PROS1: variants seen among roughly 807,000 people sequenced by gnomAD.
PROS1 encodes protein S.
PROS1 carries 29 observed loss-of-function variants against 75.9 expected under a neutral mutation model. The ratio of observed to expected loss-of-function variants is 0.38; its 90% CI spans 0.28 to 0.52. The LOEUF (loss-of-function observed/expected upper bound fraction) is 0.52. Ranked by LOEUF, PROS1 falls within the 20% of genes least tolerant of loss-of-function variation. The probability of loss-of-function intolerance (pLI) is 0.83; values close to 1 mark genes in which losing one functional copy is unlikely to be tolerated. For synonymous variants in PROS1, 245 were observed against 280.6 expected (o/e 0.87, Z 1.27); for missense variants, 680 against 810.3 (o/e 0.84, Z 1.95).
chr3:93,949,861 G>A (rs2107240715), intron 1 of PROS1, among the ~76,000 whole-genome samples: 1 of 152,332 alleles, frequency 6.6e-6, no homozygotes, highest in East Asian at 1.9e-4. Flanking sequence ...AGCCCACAGA[G>A]TGTGAGCCAA....
intron 11 of PROS1, among the ~76,000 whole-genome samples, chr3:93,885,714 A>G (rs1445271886): frequency 6.6e-6 from 1 of 152,192 alleles, no homozygotes; most frequent in African/African-American, 2.4e-5. Flanking sequence ...AAAGTGTATT[A>G]ATTTCTCAGT....
intron 10 of PROS1, among the ~76,000 whole-genome samples, chr3:93,891,793 C>T (rs1258311424): frequency 2.6e-5 from 4 of 152,116 alleles, no homozygotes; most frequent in Non-Finnish European, 4.4e-5. Flanking sequence ...GGTACAATGG[C>T]TCATGCCTGT....
chr3:93,972,648 G>A (rs1434737633), intron 1 of PROS1, among the ~76,000 whole-genome samples: 1 of 151,346 alleles, frequency 6.6e-6, no homozygotes, highest in Non-Finnish European at 1.5e-5. Context: ...AGACCAGCCT[G>A]GCCAACATGG....
intron 9 of PROS1, 46 bp from the exon 10 acceptor site, chr3:93,893,168 A>C: frequency 6.7e-7 from 1 of 1,496,776 alleles, no homozygotes. Context: ...GAAATACAGA[A>C]AGCTCAATGC....
At chr3:93,903,949 A>T (rs529908971) in intron 6 of PROS1, among the ~76,000 whole-genome samples, 1 of 147,664 alleles carries the variant, frequency 6.8e-6, no homozygotes, top group African/African-American at 2.5e-5. Flanking sequence ...ATATCTCCCA[A>T]TGCTATCCCT....
chr3:93,890,729 A>G (rs1253272986), intron 10 of PROS1, among the ~76,000 whole-genome samples: 2 of 152,230 alleles, frequency 1.3e-5, no homozygotes, highest in Non-Finnish European at 2.9e-5. Context: ...AGCACTCACT[A>G]AAAGCTTACT....
At chr3:93,903,702 A>C (rs181925637) in intron 6 of PROS1, among the ~76,000 whole-genome samples, 60 of 152,296 alleles carry the variant, frequency 3.9e-4, no homozygotes, top group Admixed American at 9.8e-4. Flanking sequence ...CTTTAGAAAG[A>C]GACTATTAAA....
At chr3:93,952,038 T>C (rs1709507405) in intron 1 of PROS1, among the ~76,000 whole-genome samples, 1 of 152,192 alleles carries the variant, frequency 6.6e-6, no homozygotes, top group African/African-American at 2.4e-5. Flanking sequence ...CTAACAACCC[T>C]AAATATATAT....
chr3:93,952,780 G>C (rs1325208554), intron 1 of PROS1, among the ~76,000 whole-genome samples: 1 of 152,172 alleles, frequency 6.6e-6, no homozygotes, highest in African/African-American at 2.4e-5. Flanking sequence ...AAAAATCAGT[G>C]AATCCAAGAG....
intron 14 of PROS1, among the ~76,000 whole-genome samples, chr3:93,876,752 A>G (rs1348009129): frequency 3.3e-5 from 5 of 152,144 alleles, no homozygotes; most frequent in African/African-American, 4.8e-5. Context: ...CAAATGAAGC[A>G]AAACTTGATC....
intron 12 of PROS1, among the ~76,000 whole-genome samples, chr3:93,883,456 T>A (rs1377665130): frequency 2.0e-5 from 3 of 151,754 alleles, no homozygotes; most frequent in Non-Finnish European, 2.9e-5. Flanking sequence ...TAGCAGGGCA[T>A]GGTGGCGCAC....
intron 8 of PROS1, among the ~76,000 whole-genome samples, chr3:93,898,116 AT>A (rs977673104): frequency 6.6e-6 from 1 of 151,808 alleles, no homozygotes; most frequent in Non-Finnish European, 1.5e-5. Flanking sequence ...TCTATGAGAG[AT>A]TTTTTTTCAC....
intron 3 of PROS1, among the ~76,000 whole-genome samples, chr3:93,914,977 C>T (rs1708819671): frequency 2.6e-5 from 4 of 152,160 alleles, no homozygotes; most frequent in Admixed American, 2.0e-4. Context: ...CCCCTGGCTC[C>T]TTTCTATTCA....
chr3:93,876,843 A>G (rs1467653690), intron 14 of PROS1, 123 bp downstream of exon 14: 99 of 680,960 alleles, frequency 1.5e-4, no homozygotes, highest in Non-Finnish European at 2.1e-4. Context: ...CCCTAGAAAA[A>G]GAATAATGAA....
chr3:93,903,492 CATCT>C (rs1445002830), intron 6 of PROS1, among the ~76,000 whole-genome samples: 3 of 151,986 alleles, frequency 2.0e-5, no homozygotes, highest in Non-Finnish European at 4.4e-5. Context: ...GACAAAACTC[CATCT>C]GTCTCTGTAC....
At chr3:93,883,654 A>G (rs1458164496) in intron 12 of PROS1, among the ~76,000 whole-genome samples, 1 of 151,852 alleles carries the variant, frequency 6.6e-6, no homozygotes, top group Non-Finnish European at 1.5e-5. Flanking sequence ...CCATTCCCTT[A>G]TTCTAAGCAG....
intron 3 of PROS1, among the ~76,000 whole-genome samples, chr3:93,913,606 C>T (rs957948725): frequency 1.4e-4 from 22 of 152,294 alleles, no homozygotes; most frequent in South Asian, 4.2e-4. Context: ...CTTTGCCTTC[C>T]GCCATGATTC....
chr3:93,927,513 GA>G (rs1709037724), intron 1 of PROS1, 106 bp from the exon 2 acceptor site: 1 of 1,276,582 alleles, frequency 7.8e-7, no homozygotes, highest in East Asian at 2.5e-5. Flanking sequence ...TGAATTGTAT[GA>G]CATTTAAAAT....
intron 1 of PROS1, among the ~76,000 whole-genome samples, chr3:93,943,751 C>G (rs1399467435): frequency 6.6e-6 from 1 of 152,150 alleles, no homozygotes; most frequent in Non-Finnish European, 1.5e-5. Flanking sequence ...ATCAGATGGC[C>G]TGAAGCAAGT....
Sources: allele counts gnomAD v4.1 joint callset (sites outside exome capture counted in the v4.1 genomes callset), GRCh38; gene constraint gnomAD v4.1.1; transcripts MANE v1.5; gene names NCBI Gene and HGNC (gene_info 2026-07-23, HGNC 2026-07-21).